The following SLIT3 variants were observed in gnomAD, a reference collection of about 807,000 sequenced individuals.
SLIT3 encodes the protein slit guidance ligand 3.
A neutral mutation model predicts 184.0 loss-of-function variants in SLIT3; 68 were observed. The observed-to-expected ratio is 0.37, with a 90% confidence interval of 0.30 to 0.45. SLIT3 has a LOEUF of 0.45. SLIT3 is among the 20% of genes least tolerant of loss of function. The pLI is 1.00. For synonymous variants in SLIT3, 831 were observed against 828.6 expected (o/e 1.00, Z -0.05); for missense variants, 1,707 against 2,026.0 (o/e 0.84, Z 3.02).
chr5:168,789,892 G>A (rs1756299126), intron 10 of SLIT3: 1 of 433,360 alleles, frequency 2.3e-6, no homozygotes. Context: ...GGGACACGAG[G>A]CTGTGAACAC....
At chr5:168,713,296 A>C (rs1762617841) in intron 23 of SLIT3, among the ~76,000 whole-genome samples, 1 of 152,174 alleles carries the variant, frequency 6.6e-6, no homozygotes. Context: ...GGCAGCTAGG[A>C]GCTATTCTCA....
intron 4 of SLIT3, among the ~76,000 whole-genome samples, chr5:169,049,974 A>G (rs951165664): frequency 1.3e-5 from 2 of 152,160 alleles, no homozygotes; most frequent in African/African-American, 4.8e-5. Context: ...TTCTGGGTAT[A>G]GTTGAGCCAT....
intron 4 of SLIT3, among the ~76,000 whole-genome samples, chr5:168,903,431 G>A (rs1415115255): frequency 6.6e-6 from 1 of 152,070 alleles, no homozygotes; most frequent in African/African-American, 2.4e-5. Context: ...CTCAGCACCT[G>A]TGTTTCATTT....
intron 4 of SLIT3, among the ~76,000 whole-genome samples, chr5:169,071,902 G>A (rs1758560871): frequency 6.6e-6 from 1 of 152,166 alleles, no homozygotes; most frequent in Non-Finnish European, 1.5e-5. Flanking sequence ...GGGGAGAAAG[G>A]ATAGGTTCAA....
At chr5:169,046,954 C>T (rs1757645735) in intron 4 of SLIT3, among the ~76,000 whole-genome samples, 1 of 152,148 alleles carries the variant, frequency 6.6e-6, no homozygotes, top group South Asian at 2.1e-4. Flanking sequence ...TAGGCGCTTG[C>T]TACAGGGTGT....
chr5:169,110,486 G>A (rs528967330), intron 4 of SLIT3, among the ~76,000 whole-genome samples: 6 of 152,186 alleles, frequency 3.9e-5, no homozygotes, highest in South Asian at 2.1e-4. Flanking sequence ...TTAGGTGTTC[G>A]TTGTCTTGTA....
At chr5:168,997,975 C>A (rs1389092310) in intron 4 of SLIT3, among the ~76,000 whole-genome samples, 1 of 152,034 alleles carries the variant, frequency 6.6e-6, no homozygotes, top group African/African-American at 2.4e-5. Flanking sequence ...CTCTCTCTAC[C>A]CGCCCCATGC....
chr5:168,773,066 C>T (rs1220903726), intron 13 of SLIT3, 122 bp from the exon 14 acceptor site: 1 of 1,019,450 alleles, frequency 9.8e-7, no homozygotes, highest in Non-Finnish European at 1.4e-6. Flanking sequence ...GCCTCATCGC[C>T]CCAGGAAGCC....
intron 1 of SLIT3, among the ~76,000 whole-genome samples, chr5:169,256,080 A>C (rs2113603855): frequency 6.6e-6 from 1 of 152,232 alleles, no homozygotes; most frequent in Non-Finnish European, 1.5e-5. Context: ...ATTCATGGTA[A>C]GTACCTATTT....
At chr5:168,813,218 G>A (rs148878153) in intron 8 of SLIT3, among the ~76,000 whole-genome samples, 1 of 151,826 alleles carries the variant, frequency 6.6e-6, no homozygotes, top group Non-Finnish European at 1.5e-5. Context: ...AATTGCGACT[G>A]GTAGAAACCC....
chr5:168,978,268 A>G (rs1581263305), intron 4 of SLIT3, among the ~76,000 whole-genome samples: 1 of 152,234 alleles, frequency 6.6e-6, no homozygotes. Flanking sequence ...CTAAGGTCTC[A>G]TTTCTAGTGC....
chr5:169,077,754 G>A (rs1758802381), intron 4 of SLIT3, among the ~76,000 whole-genome samples: 2 of 151,314 alleles, frequency 1.3e-5, no homozygotes, highest in South Asian at 4.2e-4. Flanking sequence ...AAAATGTCAC[G>A]GAGAGATGGG....
intron 23 of SLIT3, among the ~76,000 whole-genome samples, chr5:168,714,803 G>T (rs1762668273): frequency 1.3e-5 from 2 of 152,214 alleles, no homozygotes; most frequent in African/African-American, 4.8e-5. Flanking sequence ...CAGCGGCTGG[G>T]CTGGCAAGCA....
intron 5 of SLIT3, among the ~76,000 whole-genome samples, chr5:168,862,794 CT>C (rs1209837198): frequency 6.6e-6 from 1 of 152,116 alleles, no homozygotes; most frequent in African/African-American, 2.4e-5. Flanking sequence ...CCTGCTTCAG[CT>C]TCCCGAGTAG....
chr5:169,214,880 A>C (rs1862153), intron 3 of SLIT3, among the ~76,000 whole-genome samples: 47,377 of 151,932 alleles, frequency 0.31, 8,333 homozygotes, highest in East Asian at 0.68. Context: ...GCCATGAGGT[A>C]TGCATCTTTA....
chr5:168,970,113 G>A (rs1379179622), intron 4 of SLIT3, among the ~76,000 whole-genome samples: 8 of 152,060 alleles, frequency 5.3e-5, no homozygotes, highest in African/African-American at 9.7e-5. Context: ...CCCAGGAGGC[G>A]GAGTTTGCAG....
At position 168,767,235 on chromosome 5, in the gene SLIT3, T is replaced by G. The variant is rs572478227; in HGVS notation, c.1460-4546A>C. On this transcript the variant is annotated intron_variant, in intron 14 of 35. Coordinates refer to ENST00000519560, the MANE Select transcript of SLIT3 (RefSeq NM_003062.4). Reference sequence around the variant, plus strand: ...CCTCAGATAGACGAGGTAATAAGAGTCACACCTCATGATGGGGGCCCAGGG... The same window carrying G: ...CCTCAGATAGACGAGGTAATAAGAGGCACACCTCATGATGGGGGCCCAGGG... 2.3e-3 allele frequency among the ~76,000 whole-genome samples: 352 copies of G among 151,998 alleles called. 2 individuals carry two copies. Among genetic ancestry groups the G allele is most frequent in the African/African-American group, 7.6e-3 (316 of 41,454 alleles).
chr5:168,972,259 A>T (rs930969823), intron 4 of SLIT3, among the ~76,000 whole-genome samples: 3 of 151,548 alleles, frequency 2.0e-5, no homozygotes, highest in African/African-American at 7.3e-5. Context: ...AGGTGAAGCC[A>T]GGTAGAAGCA....
chr5:168,790,393 A>T (rs3797717), intron 10 of SLIT3: 102,063 of 152,090 alleles, frequency 0.67, 36,169 homozygotes, highest in African/African-American at 0.91. Context: ...GCAGCTAACC[A>T]GGCTTTGCAG....
Sources: gnomAD v4.1 joint callset for allele counts (sites outside exome capture counted in the v4.1 genomes callset) on GRCh38, gnomAD v4.1.1 for gene constraint, MANE v1.5 for transcripts, NCBI Gene and HGNC (gene_info 2026-07-23, HGNC 2026-07-21) for gene names.